Variants in TENM3 observed in about 807,000 individuals in gnomAD.
TENM3 encodes teneurin-3.
Under a neutral mutation model 255.1 loss-of-function variants are expected in TENM3, and 63 were observed. That is an observed-to-expected ratio of 0.25 (90% CI 0.20 to 0.30). The LOEUF (loss-of-function observed/expected upper bound fraction) is 0.30, where lower values mean the gene tolerates loss of function less well. Ranked by LOEUF, TENM3 falls within the 10% of genes least tolerant of loss-of-function variation. TENM3 has a pLI of 1.00. For synonymous variants in TENM3, 1,306 were observed against 1,322.3 expected, an observed-to-expected ratio of 0.99 and a Z score of 0.27; for missense variants, 2,929 against 3,461.1, an observed-to-expected ratio of 0.85 and a Z score of 3.86.
chr4:181,791,759 T>C, the TENM3 span, among the ~76,000 whole-genome samples: 1 of 152,186 alleles, frequency 6.6e-6, no homozygotes, highest in Non-Finnish European at 1.5e-5. Context: ...GAGACCCTTA[T>C]TATATCTCAT....
chr4:181,996,582 C>A, the TENM3 span, among the ~76,000 whole-genome samples: 1 of 152,152 alleles, frequency 6.6e-6, no homozygotes. Flanking sequence ...GGAAGAGGTG[C>A]TGACTTGATT....
chr4:182,036,107 A>T, the TENM3 span, among the ~76,000 whole-genome samples: 1 of 152,124 alleles, frequency 6.6e-6, no homozygotes, highest in Admixed American at 6.5e-5. Context: ...TTCCTCAAGG[A>T]GCCTTCACTG....
chr4:181,519,257 A>AGATC, the TENM3 span, among the ~76,000 whole-genome samples: 1 of 152,194 alleles, frequency 6.6e-6, no homozygotes, highest in Admixed American at 6.5e-5. Context: ...AGTGAGGCAG[A>AGATC]GATCGTGTGG....
At chr4:182,304,996 C>T (rs1425296194) in intron 1 of TENM3, among the ~76,000 whole-genome samples, 1 of 151,672 alleles carries the variant, frequency 6.6e-6, no homozygotes, top group African/African-American at 2.4e-5. Context: ...CTCCTCTTTT[C>T]TTCTCTCTTT....
chr4:181,458,413 A>C, the TENM3 span, among the ~76,000 whole-genome samples: 1 of 151,944 alleles, frequency 6.6e-6, no homozygotes, highest in South Asian at 2.1e-4. Context: ...TTCTCATTAA[A>C]GGTGAAACCC....
the TENM3 span, among the ~76,000 whole-genome samples, chr4:181,663,439 A>T: frequency 2.6e-5 from 4 of 152,184 alleles, no homozygotes; most frequent in African/African-American, 9.6e-5. Flanking sequence ...TCAATCTTAT[A>T]GCACAAATAA....
intron 1 of TENM3, among the ~76,000 whole-genome samples, chr4:182,302,540 C>T (rs1043354530): frequency 6.6e-6 from 1 of 151,540 alleles, no homozygotes; most frequent in Non-Finnish European, 1.5e-5. Flanking sequence ...TCTAACAAAA[C>T]TAAATGTCTT....
intron 1 of TENM3, among the ~76,000 whole-genome samples, chr4:182,256,018 A>G (rs1037289897): frequency 1.9e-4 from 29 of 152,202 alleles, no homozygotes; most frequent in African/African-American, 5.8e-4. Context: ...CTGCAATCCC[A>G]TTAAGGGCGT....
the TENM3 span, among the ~76,000 whole-genome samples, chr4:181,790,302 A>G: frequency 9.4e-4 from 143 of 152,328 alleles, 1 homozygote; most frequent in African/African-American, 3.2e-3. Context: ...GAGATGGTAT[A>G]AGAAGTGGCT....
chr4:182,258,546 C>T (rs1758578612), intron 1 of TENM3, among the ~76,000 whole-genome samples: 1 of 151,882 alleles, frequency 6.6e-6, no homozygotes, highest in Non-Finnish European at 1.5e-5. Flanking sequence ...AAAAATACAG[C>T]AAAGAAGAAA....
At chr4:181,950,174 C>T in the TENM3 span, among the ~76,000 whole-genome samples, 3 of 152,146 alleles carry the variant, frequency 2.0e-5, no homozygotes, top group African/African-American at 7.2e-5. Flanking sequence ...AGCCCTTTTC[C>T]TGGCTCATGC....
the TENM3 span, among the ~76,000 whole-genome samples, chr4:181,710,889 G>GAA: frequency 2.5e-5 from 3 of 121,692 alleles, no homozygotes; most frequent in East Asian, 5.0e-4. Context: ...AGGAAAAAAA[G>GAA]AAAAAAAAAA....
chr4:182,468,184 T>G (rs1245648244), intron 3 of TENM3, among the ~76,000 whole-genome samples: 2 of 152,156 alleles, frequency 1.3e-5, no homozygotes, highest in Non-Finnish European at 2.9e-5. Context: ...CCCAGGAGTT[T>G]GAGACCAACC....
At chr4:181,722,113 C>T in the TENM3 span, among the ~76,000 whole-genome samples, 1 of 152,138 alleles carries the variant, frequency 6.6e-6, no homozygotes, top group Non-Finnish European at 1.5e-5. Flanking sequence ...TGAAATACCT[C>T]TAGGAAGCCA....
At chr4:182,143,551 G>A (rs1470444291), upstream of TENM3, 1 of 166,898 alleles carries the variant, frequency 6.0e-6, no homozygotes, top group Non-Finnish European at 1.5e-5. The surrounding 1 kb of genome is among the most constrained non-coding windows in gnomAD (Gnocchi z 4.3). Flanking sequence ...CCACCCTACG[G>A]AAGATCAAGA....
the TENM3 span, among the ~76,000 whole-genome samples, chr4:181,743,506 G>T: frequency 2.0e-5 from 3 of 152,190 alleles, no homozygotes; most frequent in Non-Finnish European, 4.4e-5. Flanking sequence ...CTTGAAGGAG[G>T]TGAGGGAAGG....
intron 1 of TENM3, among the ~76,000 whole-genome samples, chr4:182,219,137 G>A (rs754531652): frequency 5.9e-5 from 9 of 152,148 alleles, no homozygotes; most frequent in Non-Finnish European, 8.8e-5. Flanking sequence ...CAGGTGAATC[G>A]CTTGAACCTG....
At chr4:182,360,892 C>T (rs1353782964) in intron 3 of TENM3, among the ~76,000 whole-genome samples, 1 of 152,136 alleles carries the variant, frequency 6.6e-6, no homozygotes, top group Non-Finnish European at 1.5e-5. Flanking sequence ...GTGCTTCCTT[C>T]AGGAGCTCTT....
At chr4:182,039,620 A>G in the TENM3 span, among the ~76,000 whole-genome samples, 3 of 152,104 alleles carry the variant, frequency 2.0e-5, no homozygotes, top group Non-Finnish European at 4.4e-5. Flanking sequence ...CTGTAGTGAT[A>G]GATATGCACA....
Sources: gnomAD v4.1 joint callset for allele counts (sites outside exome capture counted in the v4.1 genomes callset) on GRCh38, gnomAD v4.1.1 for gene constraint, Gnocchi (gnomAD v3.1) non-coding constraint, MANE v1.5 for transcripts, NCBI Gene and HGNC (gene_info 2026-07-23, HGNC 2026-07-21) for gene names.